The following SHANK1 variants were observed in gnomAD, a reference collection of about 807,000 sequenced individuals.
The protein encoded by SHANK1 is SH3 and multiple ankyrin repeat domains protein 1.
Under a neutral mutation model 165.6 loss-of-function variants are expected in SHANK1, and 35 were observed. That is an observed-to-expected ratio of 0.21 (90% CI 0.16 to 0.28). SHANK1 has a LOEUF of 0.28. Ranked by LOEUF, SHANK1 falls within the 10% of genes least tolerant of loss-of-function variation. The pLI is 1.00. For synonymous variants in SHANK1, 1,428 were observed against 1,384.8 expected (o/e 1.03, Z -0.69); for missense variants, 2,681 against 3,036.4 (o/e 0.88, Z 2.75).
At chr19:50,693,649 C>T (rs531991580) in intron 15 of SHANK1, among the ~76,000 whole-genome samples, 1 of 151,734 alleles carries the variant, frequency 6.6e-6, no homozygotes, top group African/African-American at 2.4e-5. Flanking sequence ...GGCGCACCCC[C>T]AACCCCGCAC....
At chr19:50,687,703 G>C in intron 18 of SHANK1, 41 bp from the exon 19 acceptor site, 2 of 1,425,424 alleles carry the variant, frequency 1.4e-6, no homozygotes, top group Non-Finnish European at 1.9e-6. Context: ...TCATGGGGGA[G>C]ATGCCCCCAC....
Position 50,716,912 on chromosome 19 carries a change from T to C in SHANK1, c.8A>G (p.His3Arg), listed in dbSNP as rs926922293. The change falls in exon 2 of 24, where the codon CAC (histidine) becomes CGC (arginine). Residue 3 changes from histidine to arginine, a missense_variant. Coordinates refer to ENST00000293441, the MANE Select transcript of SHANK1 (RefSeq NM_016148.5). The surrounding 1 kb of genome is among the most constrained non-coding windows in gnomAD (Gnocchi z 8.4). ...CTCGTCCTCGCTTGTCGCGGGGCTG[T>C]GGGTCATTGTGGGGCCACGGGGCGA... MT[H>R]SPATSEDEER... 2.1e-6 allele frequency: 3 copies of C among 1,434,704 alleles called. No homozygotes were observed. The highest frequency in any genetic ancestry group is 1.5e-5 in the South Asian group (1 of 65,768). 88.9% of individuals were successfully genotyped at this position (1,434,704 alleles called of 1,614,324 possible). A position where few individuals can be genotyped will look rare whatever the true frequency, so the allele number is the denominator to read the frequency against.
At position 50,662,706 on chromosome 19, in the gene SHANK1, G is replaced by T; in HGVS notation, c.5769-24C>A. ...GTCTGGAATGTGACAAGGGGGCAGT[G>T]GGGGAGGACAGGGATTTAGGGGGCA... is the stretch of plus-strand genomic sequence containing the variant. On this transcript the variant is annotated intron_variant, in intron 23 of 23. Coordinates refer to ENST00000293441, the MANE Select transcript of SHANK1 (RefSeq NM_016148.5). This position sits in a 1 kb window ranked among gnomAD's most constrained non-coding sequence, Gnocchi z 7.7. 1.9e-6 allele frequency: 3 copies of T among 1,556,166 alleles called. No homozygotes were observed. Among genetic ancestry groups the T allele is most frequent in the Non-Finnish European group, 2.6e-6 (3 of 1,149,654 alleles).
At chr19:50,669,320 T>C in intron 22 of SHANK1, 35 bp from the exon 23 acceptor site, 1 of 1,464,268 alleles carries the variant, frequency 6.8e-7, no homozygotes, top group Non-Finnish European at 9.4e-7. Flanking sequence ...AGGGGGACCC[T>C]GGCGGGGAGG....
At chr19:50,665,738 A>G (rs1208349996) in intron 23 of SHANK1, among the ~76,000 whole-genome samples, 1 of 20,988 alleles carries the variant, frequency 4.8e-5, no homozygotes. Context: ...CCCTGTTTCT[A>G]AAAAAAAAAA....
chr19:50,699,712 G>A (rs1229273055), intron 12 of SHANK1, among the ~76,000 whole-genome samples: 1 of 151,920 alleles, frequency 6.6e-6, no homozygotes, highest in Non-Finnish European at 1.5e-5. Flanking sequence ...AGGAATGGAG[G>A]GGTTGGTAGC....
Position 50,662,700 on chromosome 19 carries a change from G to T in SHANK1, c.5769-18C>A. 6.4e-7 allele frequency: 1 copy of T among 1,557,368 alleles called. No homozygotes were observed. The highest frequency in any genetic ancestry group is 1.2e-5 in the South Asian group (1 of 84,442). ...CGGAGAGTCTGGAATGTGACAAGGG[G>T]GCAGTGGGGGAGGACAGGGATTTAG... On this transcript the variant is annotated intron_variant, in intron 23 of 23. Coordinates refer to ENST00000293441, the MANE Select transcript of SHANK1 (RefSeq NM_016148.5). This position sits in a 1 kb window ranked among gnomAD's most constrained non-coding sequence, Gnocchi z 7.7.
chr19:50,713,643 T>C lies in SHANK1; in HGVS notation c.792+155A>G, dbSNP rs1297053256. ...CTGGGGGGCCTGACAAGGGTGACAA[T>C]AGGGGCTGTGTCTCAGTCTATGGAA... On this transcript the variant is annotated intron_variant, in intron 6 of 23. Coordinates refer to ENST00000293441, the MANE Select transcript of SHANK1 (RefSeq NM_016148.5). The surrounding 1 kb of genome is among the most constrained non-coding windows in gnomAD (Gnocchi z 6.2). Among the ~76,000 whole-genome samples, 3 of 151,864 alleles carry C rather than the reference T, an allele frequency of 2.0e-5. No homozygotes were observed. The highest frequency in any genetic ancestry group is 4.4e-5 in the Non-Finnish European group (3 of 67,956).
In SHANK1 at chr19:50,718,042, C is replaced by A. The variant is rs902681063; in HGVS notation, c.-43-1080G>T. 3.9e-5 allele frequency among the ~76,000 whole-genome samples: 6 copies of A among 152,064 alleles called. No homozygotes were observed. The highest frequency in any genetic ancestry group is 1.5e-4 in the African/African-American group (6 of 41,376). ...GAATGTCTGGTCTGGTCCCTCCCCC[C>A]AACACCAGGCCCGGTTCCTGCACCG... On this transcript the variant is annotated intron_variant, in intron 1 of 23. Coordinates refer to ENST00000293441, the MANE Select transcript of SHANK1 (RefSeq NM_016148.5). The surrounding 1 kb of genome is among the most constrained non-coding windows in gnomAD (Gnocchi z 5.1).
Position 50,689,289 on chromosome 19 carries a change from A to G in SHANK1, c.1965-10T>C. ...CTTAATGATGTAATCGCTGGCAGGG[A>G]GGCAGGAGAAATGGGGGGGTGGTGG... On this transcript the variant is annotated splice_polypyrimidine_tract_variant and intron_variant, in intron 15 of 23. Transcript: ENST00000293441. The G allele has an allele frequency of 1.4e-6, 2 of 1,391,394 alleles. No homozygotes were observed. The highest frequency in any genetic ancestry group is 2.0e-6 in the Non-Finnish European group (2 of 982,716). 86.2% of individuals were successfully genotyped at this position (1,391,394 alleles called of 1,614,324 possible).
At position 50,662,939 on chromosome 19, in the gene SHANK1, A is replaced by G. The variant is rs1280982007; in HGVS notation, c.5769-257T>C. ...TAAGAGAGATGAAAGAAAAAGAGAC[A>G]TTAAGTGATAATAATAATAATCGTC... On this transcript the variant is annotated intron_variant, in intron 23 of 23. Coordinates refer to ENST00000293441, the MANE Select transcript of SHANK1 (RefSeq NM_016148.5). This position sits in a 1 kb window ranked among gnomAD's most constrained non-coding sequence, Gnocchi z 7.7. 1.3e-5 allele frequency among the ~76,000 whole-genome samples: 2 copies of G among 152,054 alleles called. No individual in the cohort carries two copies. The highest frequency in any genetic ancestry group is 6.6e-5 in the Admixed American group (1 of 15,266).
chr19:50,683,845 T>C (rs1245779570), intron 21 of SHANK1, among the ~76,000 whole-genome samples: 1 of 152,162 alleles, frequency 6.6e-6, no homozygotes, highest in Admixed American at 6.5e-5. Flanking sequence ...AGTAGGCAAA[T>C]TCGCAGACAC....
At position 50,686,442 on chromosome 19, in the gene SHANK1, G is replaced by A; in HGVS notation, c.2459-87C>T. On this transcript the variant is annotated intron_variant, in intron 20 of 23. Transcript: ENST00000293441. The surrounding 1 kb of genome is among the most constrained non-coding windows in gnomAD (Gnocchi z 5.7). ...GCCGCAAAGACCAGAGCTGCCGCCC[G>A]CAGTTCATCCAGCACCTGGATCAAC... 1.0e-6 allele frequency: 1 copy of A among 980,952 alleles called. No individual in the cohort carries two copies. Among genetic ancestry groups the A allele is most frequent in the South Asian group, 1.6e-5 (1 of 63,190 alleles). The allele number at this position is 980,952 out of a possible 1,614,324, so 60.8% of individuals were successfully genotyped here. A position where few individuals can be genotyped will look rare whatever the true frequency, so the allele number is the denominator to read the frequency against.
rs892395869 is a variant in SHANK1 at position 50,660,170 on chromosome 19, G to T, written c.*1795C>A. Among the ~76,000 whole-genome samples, 50 of 152,032 alleles carry T rather than the reference G, an allele frequency of 3.3e-4. No homozygotes were observed. Among genetic ancestry groups the T allele is most frequent in the African/African-American group, 1.2e-3 (49 of 41,492 alleles). On this transcript the variant is annotated 3_prime_UTR_variant, in exon 24 of 24. Coordinates refer to ENST00000293441, the MANE Select transcript of SHANK1 (RefSeq NM_016148.5). ...TCCCCCCTTTACCCACAGCAGGGGAGGGGGCTTTTCAGGGGGAGGGGTGGC... is the reference window on the plus strand; with the variant it reads ...TCCCCCCTTTACCCACAGCAGGGGATGGGGCTTTTCAGGGGGAGGGGTGGC...
intron 22 of SHANK1, among the ~76,000 whole-genome samples, chr19:50,671,344 C>T (rs1017435163): frequency 6.0e-5 from 9 of 150,774 alleles, no homozygotes; most frequent in African/African-American, 9.8e-5. Context: ...CCACCACACC[C>T]GGCTAATTTT....
chr19:50,692,567 A>C (rs778706104), intron 15 of SHANK1, among the ~76,000 whole-genome samples: 1 of 149,746 alleles, frequency 6.7e-6, no homozygotes, highest in Non-Finnish European at 1.5e-5. Flanking sequence ...ACCACCCCCT[A>C]TCCTACACAT....
intron 12 of SHANK1, among the ~76,000 whole-genome samples, chr19:50,698,427 C>T (rs1265613179): frequency 2.0e-5 from 3 of 152,160 alleles, no homozygotes; most frequent in South Asian, 2.1e-4. Context: ...CTGTCTCTCT[C>T]GGCCTCTCCT....
Position 50,669,169 on chromosome 19 carries a change from G to A in SHANK1, c.2791C>T (p.Pro931Ser). 6.3e-7 allele frequency: 1 copy of A among 1,594,070 alleles called. No individual in the cohort carries two copies. The change falls in exon 23 of 24, where the codon CCT (proline) becomes TCT (serine). Residue 931 changes from proline (P) to serine (S), a missense_variant. Around this residue, in one of 10 missense-constraint regions of SHANK1, gnomAD observed 10 missense variants for 28.9 expected, o/e 0.35. Transcript: ENST00000293441. ...GGGACTGGAGGTGTGCTGTAGGGAGGCTCCGGTGGGGACGTGGTGGGTGGC... is the reference window on the plus strand; with the variant it reads ...GGGACTGGAGGTGTGCTGTAGGGAGACTCCGGTGGGGACGTGGTGGGTGGC... Reference protein sequence around the residue: ...PPPPTTSPPEPPYSTPPVPSS... With the variant: ...PPPPTTSPPESPYSTPPVPSS...
Position 50,662,462 on chromosome 19 carries a change from G to T in SHANK1, c.5989C>A (p.Arg1997=). 6.5e-7 allele frequency: 1 copy of T among 1,549,710 alleles called. No individual in the cohort carries two copies. Among genetic ancestry groups the T allele is most frequent in the African/African-American group, 1.4e-5 (1 of 73,770 alleles). ...EFEMRPPLLR[R]APSPSLLPAS... ...GGCAGCAGCGAGGGGCTGGGGGCCC[G>T]GCGGAGCAGAGGGGGCCGCATCTCG... Residue 1997 remains arginine, a synonymous_variant, in exon 24 of 24, where the codon CGG becomes AGG. Coordinates refer to ENST00000293441, the MANE Select transcript of SHANK1 (RefSeq NM_016148.5). The surrounding 1 kb of genome is among the most constrained non-coding windows in gnomAD (Gnocchi z 7.7).
Sources: gnomAD v4.1 joint callset for allele counts (sites outside exome capture counted in the v4.1 genomes callset) on GRCh38, gnomAD v4.1.1 for gene constraint, gnomAD v4.1.1 regional missense constraint, Gnocchi (gnomAD v3.1) non-coding constraint, MANE v1.5 for transcripts, NCBI Gene and HGNC (gene_info 2026-07-23, HGNC 2026-07-21) for gene names.